The following ACTG1 variants were observed in gnomAD, a reference collection of about 807,000 sequenced individuals.
The protein encoded by ACTG1 is actin, cytoplasmic 2.
A neutral mutation model predicts 34.3 loss-of-function variants in ACTG1; 14 were observed. The ratio of observed to expected loss-of-function variants is 0.41; its 90% CI spans 0.27 to 0.64. The LOEUF (loss-of-function observed/expected upper bound fraction) is 0.64. Among genes scored for constraint, ACTG1 ranks in the 30% least tolerant of loss-of-function variants. The probability of loss-of-function intolerance (pLI) is 0.33; values close to 1 mark genes in which losing one functional copy is unlikely to be tolerated. For synonymous variants in ACTG1, 422 were observed against 213.9 expected (o/e 1.97, Z -8.49); for missense variants, 233 against 529.5 (o/e 0.44, Z 5.50).
chr17:81,510,637 T>C lies in ACTG1; in HGVS notation c.*53A>G, dbSNP rs782208438. On this transcript the variant is annotated 3_prime_UTR_variant, in exon 6 of 6. Transcript: ENST00000573283. Reference sequence around the variant, plus strand: ...GGTGTGTGCATTTGCCAGGGGCAAATTTCTATTCTCAATTAACCCATGCAG... The same window carrying C: ...GGTGTGTGCATTTGCCAGGGGCAAACTTCTATTCTCAATTAACCCATGCAG... 74 of 1,611,454 alleles carry C rather than the reference T, an allele frequency of 4.6e-5. No individual in the cohort carries two copies. Among genetic ancestry groups the C allele is most frequent in the South Asian group, 3.0e-4 (27 of 90,996 alleles).
Position 81,510,073 on chromosome 17 carries a change from C to CA in ACTG1, c.*616dup, listed in dbSNP as rs782303143. 4 of 455,840 alleles carry CA rather than the reference C, an allele frequency of 8.8e-6. No individual in the cohort carries two copies. Among genetic ancestry groups the CA allele is most frequent in the South Asian group, 6.3e-5 (4 of 63,900 alleles). 28.2% of individuals were successfully genotyped at this position (455,840 alleles called of 1,614,324 possible). Reference sequence around the variant, plus strand: ...AAACCAAAATTTGTTGTCATCTCTTCAAAGAATCGAGAATTGCGTACAAAA... The same window carrying CA: ...AAACCAAAATTTGTTGTCATCTCTTCAAAAGAATCGAGAATTGCGTACAAAA... On this transcript the variant is annotated 3_prime_UTR_variant, in exon 6 of 6. Transcript: ENST00000573283.
chr17:81,510,855 G>A (rs782619005), intron 5 of ACTG1, 22 bp from the exon 6 acceptor site: 45 of 1,606,822 alleles, frequency 2.8e-5, no homozygotes, highest in East Asian at 2.3e-5. Flanking sequence ...GCCAGGCACG[G>A]CTTCAGCTCA....
rs1555666247 is a variant in ACTG1 at position 81,510,561 on chromosome 17, A to G, written c.*129T>C. On this transcript the variant is annotated 3_prime_UTR_variant, in exon 6 of 6. Transcript: ENST00000573283. The stretch of plus-strand genomic sequence containing the variant: ...AGTGCTGATATCAGATACAAGCTTC[A>G]AGGACAATTTCTTTTCGAAGGCTTA... The G allele has an allele frequency of 8.2e-7, 1 of 1,225,344 alleles. No homozygotes were observed. Among genetic ancestry groups the G allele is most frequent in the East Asian group, 2.4e-5 (1 of 42,378 alleles). 75.9% of individuals were successfully genotyped at this position (1,225,344 alleles called of 1,614,324 possible). A position where few individuals can be genotyped will look rare whatever the true frequency, so the allele number is the denominator to read the frequency against.
In ACTG1 at chr17:81,509,997, C is replaced by T. The variant is rs1555665958; in HGVS notation, c.*693G>A. The T allele has an allele frequency of 2.2e-5, 9 of 403,394 alleles. No homozygotes were observed. Among genetic ancestry groups the T allele is most frequent in the East Asian group, 7.3e-5 (1 of 13,780 alleles). The allele number at this position is 403,394 out of a possible 1,614,324, so 25.0% of individuals were successfully genotyped here. A position where few individuals can be genotyped will look rare whatever the true frequency, so the allele number is the denominator to read the frequency against. ...TGGTTACGGCAGCACTTTTATTTTT[C>T]CTTACACAATGACGTGTTGCTGGGG... On this transcript the variant is annotated 3_prime_UTR_variant, in exon 6 of 6. Transcript: ENST00000573283.
chr17:81,512,744 A>C lies in ACTG1; in HGVS notation c.-17T>G, dbSNP rs1555667535. ...GGGCGGGGCGCTCACCGGCAGAGAAACGCGACGGCGGAGCGGCGGAAGAAC... is the reference window on the plus strand; with the variant it reads ...GGGCGGGGCGCTCACCGGCAGAGAACCGCGACGGCGGAGCGGCGGAAGAAC... On this transcript the variant is annotated 5_prime_UTR_variant, in exon 1 of 6. Coordinates refer to ENST00000573283, the MANE Select transcript of ACTG1 (RefSeq NM_001614.5). The C allele has an allele frequency of 1.7e-5, 7 of 410,918 alleles. No individual in the cohort carries two copies. The highest frequency in any genetic ancestry group is 7.6e-4 in the Middle Eastern group (1 of 1,320). 25.5% of individuals were successfully genotyped at this position (410,918 alleles called of 1,614,324 possible). A position where few individuals can be genotyped will look rare whatever the true frequency, so the allele number is the denominator to read the frequency against.
In ACTG1 at chr17:81,510,548, A is replaced by C; in HGVS notation, c.*142T>G. The C allele has an allele frequency of 9.5e-7, 1 of 1,050,862 alleles. No homozygotes were observed. Among genetic ancestry groups the C allele is most frequent in the Non-Finnish European group, 1.5e-6 (1 of 683,586 alleles). 65.1% of individuals were successfully genotyped at this position (1,050,862 alleles called of 1,614,324 possible). On this transcript the variant is annotated 3_prime_UTR_variant, in exon 6 of 6. Coordinates refer to ENST00000573283, the MANE Select transcript of ACTG1 (RefSeq NM_001614.5). ...AGTTCTACAATCCAGTGCTGATATC[A>C]GATACAAGCTTCAAGGACAATTTCT...
intron 2 of ACTG1, 26 bp downstream of exon 2, chr17:81,512,206 G>T (rs183867515): frequency 6.2e-7 from 1 of 1,613,274 alleles, no homozygotes; most frequent in African/African-American, 1.3e-5. Flanking sequence ...GCAGAACCCA[G>T]GAGCCCCGCG....
chr17:81,511,828 A>C (rs782586702), intron 3 of ACTG1, 75 bp downstream of exon 3: 2 of 1,607,562 alleles, frequency 1.2e-6, no homozygotes, highest in African/African-American at 1.3e-5. Flanking sequence ...GAAACACTTA[A>C]ATGTCAGAAA....
rs782248848 is a variant in ACTG1, at chr17:81,512,783, T to C, written c.-56A>G. ...CGGCGGAAGAACAGAGTGCGAGAGC[T>C]GGCAGCGGCGACTGAGACCGACCGC... On this transcript the variant is annotated 5_prime_UTR_variant, in exon 1 of 6. Transcript: ENST00000573283. 3.7e-5 allele frequency: 15 copies of C among 408,432 alleles called. No individual in the cohort carries two copies. Among genetic ancestry groups the C allele is most frequent in the Middle Eastern group, 7.5e-4 (1 of 1,328 alleles). The allele number at this position is 408,432 out of a possible 1,614,324, so 25.3% of individuals were successfully genotyped here.
In ACTG1 at chr17:81,510,639, T is replaced by C. The variant is rs782487704; in HGVS notation, c.*51A>G. ...TGTGTGCATTTGCCAGGGGCAAATT[T>C]CTATTCTCAATTAACCCATGCAGCA... On this transcript the variant is annotated 3_prime_UTR_variant, in exon 6 of 6. Transcript: ENST00000573283. 1 of 1,611,682 alleles carries C rather than the reference T, an allele frequency of 6.2e-7. No individual in the cohort carries two copies. Among genetic ancestry groups the C allele is most frequent in the Non-Finnish European group, 8.5e-7 (1 of 1,179,206 alleles).
At position 81,510,404 on chromosome 17, in the gene ACTG1, C is replaced by G. The variant is rs552273757; in HGVS notation, c.*286G>C. The stretch of plus-strand genomic sequence containing the variant: ...TTGTCTTCCACAAGCACGTTCTTAC[C>G]TTAGCCACGAAGTGACCAAGCCACA... On this transcript the variant is annotated 3_prime_UTR_variant, in exon 6 of 6. Coordinates refer to ENST00000573283, the MANE Select transcript of ACTG1 (RefSeq NM_001614.5). The G allele has an allele frequency of 1.3e-5, 7 of 531,426 alleles. No individual in the cohort carries two copies. The Admixed American group carries it at 1.7e-4, about 13-fold the overall frequency. The allele number at this position is 531,426 out of a possible 1,614,324, so 32.9% of individuals were successfully genotyped here.
chr17:81,510,080 T>A lies in ACTG1; in HGVS notation c.*610A>T, dbSNP rs782060565. Reference sequence around the variant, plus strand: ...AATTTGTTGTCATCTCTTCAAAGAATCGAGAATTGCGTACAAAAAAAACCT... The same window carrying A: ...AATTTGTTGTCATCTCTTCAAAGAAACGAGAATTGCGTACAAAAAAAACCT... On this transcript the variant is annotated 3_prime_UTR_variant, in exon 6 of 6. Coordinates refer to ENST00000573283, the MANE Select transcript of ACTG1 (RefSeq NM_001614.5). The A allele has an allele frequency of 2.2e-6, 1 of 457,190 alleles. No homozygotes were observed. 28.3% of individuals were successfully genotyped at this position (457,190 alleles called of 1,614,324 possible). A position where few individuals can be genotyped will look rare whatever the true frequency, so the allele number is the denominator to read the frequency against.
Position 81,510,470 on chromosome 17 carries a change from A to C in ACTG1, c.*220T>G. 2 of 716,266 alleles carry C rather than the reference A, an allele frequency of 2.8e-6. No homozygotes were observed. The highest frequency in any genetic ancestry group is 4.9e-6 in the Non-Finnish European group (2 of 404,348). The allele number at this position is 716,266 out of a possible 1,614,324, so 44.4% of individuals were successfully genotyped here. A position where few individuals can be genotyped will look rare whatever the true frequency, so the allele number is the denominator to read the frequency against. On this transcript the variant is annotated 3_prime_UTR_variant, in exon 6 of 6. Transcript: ENST00000573283. The stretch of plus-strand genomic sequence containing the variant: ...ACTCAAAGATATGTACAGGGTATTA[A>C]ACAAATACCAAGGGGAACAGTTAAC...
Position 81,511,640 on chromosome 17 carries a change from A to G in ACTG1, c.364-14T>C. 6.2e-7 allele frequency: 1 copy of G among 1,611,538 alleles called. No homozygotes were observed. ...CTCAAACATAATCTGAGAAGGGACA[A>G]GGGGCGGCTTAGTCAGGGACAGAGA... On this transcript the variant is annotated splice_polypyrimidine_tract_variant and intron_variant, in intron 3 of 5. Transcript: ENST00000573283.
chr17:81,511,839 T>C (rs782556001), intron 3 of ACTG1, 64 bp downstream of exon 3: 11 of 1,609,358 alleles, frequency 6.8e-6, no homozygotes, highest in South Asian at 1.1e-5. Flanking sequence ...ATGTCAGAAA[T>C]CAAGCCGGGC....
chr17:81,512,748 G>T lies in ACTG1; in HGVS notation c.-21C>A, dbSNP rs1444705106. On this transcript the variant is annotated 5_prime_UTR_variant, in exon 1 of 6. Coordinates refer to ENST00000573283, the MANE Select transcript of ACTG1 (RefSeq NM_001614.5). ...GGGGCGCTCACCGGCAGAGAAACGC[G>T]ACGGCGGAGCGGCGGAAGAACAGAG... 2 of 414,930 alleles carry T rather than the reference G, an allele frequency of 4.8e-6. No homozygotes were observed. Among genetic ancestry groups the T allele is most frequent in the Non-Finnish European group, 9.4e-6 (2 of 212,446 alleles). The allele number at this position is 414,930 out of a possible 1,614,324, so 25.7% of individuals were successfully genotyped here.
intron 3 of ACTG1, 90 bp downstream of exon 3, chr17:81,511,813 C>A: frequency 6.3e-7 from 1 of 1,599,270 alleles, no homozygotes; most frequent in Non-Finnish European, 8.5e-7. Context: ...CCTGGAACAG[C>A]GAAAGAAACA....
intron 1 of ACTG1, 86 bp from the exon 2 acceptor site, chr17:81,512,446 C>T (rs2031873344): frequency 1.2e-6 from 2 of 1,604,974 alleles, no homozygotes; most frequent in Non-Finnish European, 8.5e-7. Flanking sequence ...CGCGGGGAAG[C>T]CTCGGCCCTG....
At chr17:81,512,687 G>A (rs944986066) in intron 1 of ACTG1, 47 bp downstream of exon 1, 9 of 398,646 alleles carry the variant, frequency 2.3e-5, no homozygotes, top group East Asian at 6.5e-5. Flanking sequence ...GGGTCGGGGG[G>A]CGCAGGCCTG....
Sources: allele counts gnomAD v4.1 joint callset, GRCh38; gene constraint gnomAD v4.1.1; transcripts MANE v1.5; gene names NCBI Gene and HGNC (gene_info 2026-07-23, HGNC 2026-07-21).